Variants in NUDT7 observed in about 807,000 individuals in gnomAD.
The protein encoded by NUDT7 is nudix hydrolase 7.
NUDT7 carries 19 observed loss-of-function variants against 13.1 expected under a neutral mutation model. The observed-to-expected ratio is 1.45, with a 90% CI of 1.01 to 2.13. The LOEUF is 2.13. Ranked by LOEUF, NUDT7 falls within the 30% of genes most tolerant of loss-of-function variation. NUDT7 has a pLI of 0.00. For missense variants in NUDT7, 360 were observed against 291.7 expected (o/e 1.23, Z -1.71); for synonymous variants, 132 against 109.7 (o/e 1.20, Z -1.27).
chr16:77,733,955 T>C (rs572193506), intron 2 of NUDT7, among the ~76,000 whole-genome samples: 6 of 152,158 alleles, frequency 3.9e-5, no homozygotes, highest in East Asian at 1.9e-4. Context: ...GCCCAAGATA[T>C]GAGAGAAATA....
intron 2 of NUDT7, among the ~76,000 whole-genome samples, chr16:77,727,546 C>A (rs1347633060): frequency 1.3e-5 from 2 of 152,180 alleles, no homozygotes; most frequent in African/African-American, 4.8e-5. Context: ...GAAGCACTTA[C>A]ATATATTTTT....
chr16:77,741,955 C>G lies in NUDT7; in HGVS notation c.*5C>G, dbSNP rs372695205. ...AAAGCTACAAGCAGGTTATGATTTA[C>G]TAGAGCAAGAGACAAAGAACTATTC... On this transcript the variant is annotated 3_prime_UTR_variant, in exon 4 of 4. Coordinates refer to ENST00000268533, the MANE Select transcript of NUDT7 (RefSeq NM_001105663.3). 2 of 1,577,648 alleles carry G rather than the reference C, an allele frequency of 1.3e-6. No individual in the cohort carries two copies. Among genetic ancestry groups the G allele is most frequent in the South Asian group, 1.2e-5 (1 of 84,922 alleles).
At chr16:77,723,346 A>AATACACTGCCG (rs1297042835) in intron 1 of NUDT7, among the ~76,000 whole-genome samples, 2 of 152,102 alleles carry the variant, frequency 1.3e-5, no homozygotes, top group African/African-American at 4.8e-5. Context: ...TGGTCTTTGA[A>AATACACTGCCG]ATACACTGCC....
chr16:77,723,716 T>G (rs1333660240), intron 1 of NUDT7, among the ~76,000 whole-genome samples: 1 of 151,332 alleles, frequency 6.6e-6, no homozygotes, highest in East Asian at 2.0e-4. Flanking sequence ...CTCAACCTTC[T>G]GAGTAGCTGG....
rs115415384 is a variant in NUDT7 at position 77,742,006 on chromosome 16, G to A, written c.*56G>A. 2.1e-3 allele frequency: 3,184 copies of A among 1,507,948 alleles called. 54 individuals are homozygous for A. The African/African-American group carries it at 0.037, about 17-fold the overall frequency. 93.4% of individuals were successfully genotyped at this position (1,507,948 alleles called of 1,614,324 possible). On this transcript the variant is annotated 3_prime_UTR_variant, in exon 4 of 4. Coordinates refer to ENST00000268533, the MANE Select transcript of NUDT7 (RefSeq NM_001105663.3). Reference sequence around the variant, plus strand: ...ACGAGGATTCTGTGTGTGCTTATTCGTAGAACAACAACAATGCCAGCTGTT... The same window carrying A: ...ACGAGGATTCTGTGTGTGCTTATTCATAGAACAACAACAATGCCAGCTGTT...
intron 2 of NUDT7, among the ~76,000 whole-genome samples, chr16:77,731,780 G>C (rs1440337848): frequency 1.3e-5 from 2 of 152,092 alleles, no homozygotes; most frequent in Non-Finnish European, 2.9e-5. Context: ...ACAAGAGGTA[G>C]AGGTAGAAGA....
intron 2 of NUDT7, among the ~76,000 whole-genome samples, chr16:77,733,754 C>T (rs1296546887): frequency 6.6e-6 from 1 of 152,170 alleles, no homozygotes; most frequent in Admixed American, 6.5e-5. Flanking sequence ...ACTGTCATTA[C>T]CCCATTGCAC....
At chr16:77,729,520 A>G (rs187565260) in intron 2 of NUDT7, among the ~76,000 whole-genome samples, 1 of 152,152 alleles carries the variant, frequency 6.6e-6, no homozygotes, top group Non-Finnish European at 1.5e-5. Flanking sequence ...TCTTCAAAAT[A>G]GCATATTTTC....
chr16:77,728,335 C>T (rs2014207072), intron 2 of NUDT7, among the ~76,000 whole-genome samples: 2 of 152,144 alleles, frequency 1.3e-5, no homozygotes, highest in Admixed American at 1.3e-4. Context: ...TGGGTTCAAG[C>T]AATTCTCCCA....
chr16:77,739,582 C>G (rs1184813545), intron 3 of NUDT7, among the ~76,000 whole-genome samples: 2 of 152,136 alleles, frequency 1.3e-5, no homozygotes, highest in Non-Finnish European at 2.9e-5. Flanking sequence ...ACTGTAAGGT[C>G]TTTATGACTT....
rs565818700 is a variant in NUDT7, at chr16:77,741,817, T to G, written c.584T>G (p.Leu195Arg). 6.2e-7 allele frequency: 1 copy of G among 1,614,180 alleles called. No homozygotes were observed. Among genetic ancestry groups the G allele is most frequent in the Admixed American group, 1.7e-5 (1 of 60,014 alleles). Residue 195 changes from leucine (L) to arginine (R), a missense_variant, in exon 4 of 4, where the codon CTT (leucine) becomes CGT (arginine). Leu to Arg is a moderately radical substitution (Grantham distance 102). Coordinates refer to ENST00000268533, the MANE Select transcript of NUDT7 (RefSeq NM_001105663.3). ...TYQIKGMTANLAVLVAFIILE... is the reference protein window; with the variant it reads ...TYQIKGMTANRAVLVAFIILE... ...CAGATCAAGGGAATGACGGCAAACC[T>G]TGCAGTGTTGGTGGCCTTTATCATT...
chr16:77,725,439 T>C lies in NUDT7; in HGVS notation c.44T>C (p.Leu15Ser). The change falls in exon 2 of 4, where the codon TTG becomes TCG. Residue 15 changes from leucine (L) to serine (S), a missense_variant. By Grantham distance (145) the Leu-to-Ser change is moderately radical. Transcript: ENST00000268533. ...GLPEEPVRNS[L>S]LDDAKARLRK... ...GTTTGTTTTTATTTTAGAAACAGTT[T>C]GCTAGATGATGCTAAGGCCCGCTTA... 1 of 1,609,126 alleles carries C rather than the reference T, an allele frequency of 6.2e-7. No individual in the cohort carries two copies. The highest frequency in any genetic ancestry group is 8.5e-7 in the Non-Finnish European group (1 of 1,177,562).
At chr16:77,724,435 C>G (rs960855828) in intron 1 of NUDT7, among the ~76,000 whole-genome samples, 1 of 144,950 alleles carries the variant, frequency 6.9e-6, no homozygotes. Flanking sequence ...CTAATTTATG[C>G]TTTTTTTTTT....
rs574179096 is a variant in NUDT7 at position 77,735,462 on chromosome 16, G to A, written c.190-366G>A. ...TAAGTTTCCTGAGGTCTCCCCAGAAGCCAAGCAGACGCCAGCATCATGCTC... is the reference window on the plus strand; with the variant it reads ...TAAGTTTCCTGAGGTCTCCCCAGAAACCAAGCAGACGCCAGCATCATGCTC... On this transcript the variant is annotated intron_variant, in intron 2 of 3. Transcript: ENST00000268533. 283 of 664,426 alleles carry A rather than the reference G, an allele frequency of 4.3e-4. 1 individual carries two copies. Among genetic ancestry groups the A allele is most frequent in the African/African-American group, 4.1e-3 (231 of 56,856 alleles). The allele number at this position is 664,426 out of a possible 1,614,324, so 41.2% of individuals were successfully genotyped here. A position where few individuals can be genotyped will look rare whatever the true frequency, so the allele number is the denominator to read the frequency against.
intron 2 of NUDT7, among the ~76,000 whole-genome samples, chr16:77,728,517 G>A (rs1193528897): frequency 6.6e-6 from 1 of 152,152 alleles, no homozygotes; most frequent in Non-Finnish European, 1.5e-5. Flanking sequence ...GATGACAAGC[G>A]TGTGCCACCA....
chr16:77,724,923 C>G (rs1356183956), intron 1 of NUDT7, among the ~76,000 whole-genome samples: 2 of 152,230 alleles, frequency 1.3e-5, no homozygotes, highest in Non-Finnish European at 2.9e-5. Flanking sequence ...ACCAGAGTTA[C>G]TGAGTCACAG....
chr16:77,741,693 C>A lies in NUDT7; in HGVS notation c.460C>A (p.His154Asn), dbSNP rs749950066. 3 of 1,614,208 alleles carry A rather than the reference C, an allele frequency of 1.9e-6. No individual in the cohort carries two copies. The highest frequency in any genetic ancestry group is 2.5e-6 in the Non-Finnish European group (3 of 1,180,038). ...CCTGGTGCCTCTGGCCTATTTCCTG[C>A]ATCCACAGGTCCATGACCAGCATTA... ...VFLVPLAYFLHPQVHDQHYVT... is the reference protein window; with the variant it reads ...VFLVPLAYFLNPQVHDQHYVT... The change falls in exon 4 of 4, where the codon CAT becomes AAT. Residue 154 changes from histidine (H) to asparagine (N), a missense_variant. Transcript: ENST00000268533.
intron 1 of NUDT7, among the ~76,000 whole-genome samples, chr16:77,724,150 A>G (rs1429096479): frequency 1.3e-5 from 2 of 152,074 alleles, no homozygotes; most frequent in Admixed American, 1.3e-4. Flanking sequence ...TGCCTCTTCC[A>G]GTTTCTGGTG....
chr16:77,730,590 T>C (rs1291076541), intron 2 of NUDT7, among the ~76,000 whole-genome samples: 4 of 152,288 alleles, frequency 2.6e-5, no homozygotes, highest in African/African-American at 9.6e-5. Context: ...AGAGACCTCT[T>C]CGATATACTG....
Sources: gnomAD v4.1 joint callset for allele counts (sites outside exome capture counted in the v4.1 genomes callset) on GRCh38, gnomAD v4.1.1 for gene constraint, MANE v1.5 for transcripts, NCBI Gene and HGNC (gene_info 2026-07-23, HGNC 2026-07-21) for gene names.